The following SULF2 variants were observed in gnomAD, a reference collection of about 807,000 sequenced individuals.
SULF2 encodes extracellular sulfatase Sulf-2.
Under a neutral mutation model 107.7 loss-of-function variants are expected in SULF2, and 52 were observed. The observed-to-expected ratio is 0.48, with a 90% confidence interval of 0.39 to 0.61. SULF2 has a LOEUF of 0.61. Among genes scored for constraint, SULF2 ranks in the 20% least tolerant of loss-of-function variants. The probability of loss-of-function intolerance (pLI) is 0.00; values close to 1 mark genes in which losing one functional copy is unlikely to be tolerated. For missense variants in SULF2, 993 were observed against 1,177.3 expected, an observed-to-expected ratio of 0.84 and a Z score of 2.29; for synonymous variants, 460 against 464.3, an observed-to-expected ratio of 0.99 and a Z score of 0.12.
chr20:47,730,233 C>T (rs1176011014), intron 3 of SULF2, among the ~76,000 whole-genome samples: 1 of 152,208 alleles, frequency 6.6e-6, no homozygotes, highest in African/African-American at 2.4e-5. Context: ...AGCATGTACC[C>T]CCTGCTCCCC....
intron 15 of SULF2, 122 bp from the exon 16 acceptor site, chr20:47,663,744 A>G (rs1230519807): frequency 1.7e-6 from 2 of 1,174,014 alleles, no homozygotes; most frequent in Non-Finnish European, 2.4e-6. Flanking sequence ...CCATGGGCAT[A>G]GCAATTCAGG....
At chr20:47,751,829 G>A (rs1422447967) in intron 2 of SULF2, among the ~76,000 whole-genome samples, 1 of 152,210 alleles carries the variant, frequency 6.6e-6, no homozygotes, top group Non-Finnish European at 1.5e-5. Context: ...CCAGTGGAAG[G>A]CTGGTTCCCA....
chr20:47,706,092 C>T (rs1020501084), intron 3 of SULF2, among the ~76,000 whole-genome samples: 2 of 152,142 alleles, frequency 1.3e-5, no homozygotes, highest in South Asian at 2.1e-4. Flanking sequence ...AGCCACCATA[C>T]GTCGCTGAGA....
intron 7 of SULF2, among the ~76,000 whole-genome samples, chr20:47,682,054 G>A (rs992487600): frequency 1.4e-4 from 21 of 152,008 alleles, no homozygotes; most frequent in Admixed American, 9.8e-4. Context: ...GTGGACTGTC[G>A]TTATTACAGC....
chr20:47,707,626 G>T (rs1297558371), intron 3 of SULF2, among the ~76,000 whole-genome samples: 1 of 152,052 alleles, frequency 6.6e-6, no homozygotes, highest in Non-Finnish European at 1.5e-5. Context: ...TGAGATATGC[G>T]GACCCCCCCA....
rs767349399 is a variant in SULF2 at position 47,684,415 on chromosome 20, T to G, written c.888+16A>C. On this transcript the variant is annotated intron_variant, in intron 6 of 20. Coordinates refer to ENST00000688720, the MANE Select transcript of SULF2 (RefSeq NM_001387048.1). ...TCGGAGCCACGCCCACCAAGAGGCATGCAGCGGGCGCCTACCGTCTCCATG... is the reference window on the plus strand; with the variant it reads ...TCGGAGCCACGCCCACCAAGAGGCAGGCAGCGGGCGCCTACCGTCTCCATG... The G allele has an allele frequency of 6.3e-7, 1 of 1,597,588 alleles. No homozygotes were observed. The highest frequency in any genetic ancestry group is 8.5e-7 in the Non-Finnish European group (1 of 1,171,376).
intron 3 of SULF2, among the ~76,000 whole-genome samples, chr20:47,716,530 T>C (rs535565338): frequency 1.3e-5 from 2 of 152,278 alleles, no homozygotes; most frequent in Admixed American, 6.5e-5. Flanking sequence ...TAAATAACTA[T>C]ATTTTTCCCA....
At chr20:47,747,930 G>A (rs1036140064) in intron 2 of SULF2, among the ~76,000 whole-genome samples, 15 of 152,068 alleles carry the variant, frequency 9.9e-5, no homozygotes, top group Non-Finnish European at 1.5e-5. Context: ...GCTCTGCAGT[G>A]CCCCGTCCTG....
rs574989882 is a variant in SULF2, at chr20:47,785,031, G to C, written c.-101+312C>G. Among the ~76,000 whole-genome samples the C allele has an allele frequency of 3.9e-5, 6 of 152,048 alleles. No individual in the cohort carries two copies. In the East Asian group the frequency reaches 7.8e-4, roughly 20 times the overall value. On this transcript the variant is annotated intron_variant, in intron 1 of 20. Transcript: ENST00000688720. ...CCGGCCCAGGCGCGCTCCCCTACCC[G>C]GGGCCGCCTGTGCTCGGTGTGCCGT... is the stretch of plus-strand genomic sequence containing the variant.
intron 1 of SULF2, among the ~76,000 whole-genome samples, chr20:47,772,853 G>A (rs1474578290): frequency 1.3e-5 from 2 of 152,160 alleles, no homozygotes; most frequent in African/African-American, 4.8e-5. Context: ...CACAAGACTT[G>A]GCAATGCAAG....
intron 1 of SULF2, among the ~76,000 whole-genome samples, chr20:47,778,715 G>A (rs2090768295): frequency 6.6e-6 from 1 of 152,200 alleles, no homozygotes; most frequent in African/African-American, 2.4e-5. Context: ...GAGAAACCAG[G>A]CGATGAAGAA....
At chr20:47,663,645 A>T in intron 15 of SULF2, 23 bp from the exon 16 acceptor site, 1 of 1,551,332 alleles carries the variant, frequency 6.4e-7, no homozygotes, top group Admixed American at 1.9e-5. Context: ...AGGGCCACAC[A>T]CACCTTGGGC....
chr20:47,676,605 T>C lies in SULF2; in HGVS notation c.1269A>G (p.Arg423=), dbSNP rs2087650268. The C allele has an allele frequency of 1.9e-6, 3 of 1,555,024 alleles. No homozygotes were observed. In the African/African-American group the frequency reaches 4.1e-5, roughly 21 times the overall value. ...CCTGGGCGTCCACCTTGTCATTGTC[T>C]CTCTTGTGTAGCAGCTTGCTATGGG... ...LVERGKLLHK[R]DNDKVDAQEE... The change falls in exon 10 of 21, where the codon AGA becomes AGG. Residue 423 remains arginine (R), a synonymous_variant. Coordinates refer to ENST00000688720, the MANE Select transcript of SULF2 (RefSeq NM_001387048.1).
At chr20:47,697,627 C>T (rs1042827497) in intron 4 of SULF2, among the ~76,000 whole-genome samples, 1 of 152,218 alleles carries the variant, frequency 6.6e-6, no homozygotes, top group Non-Finnish European at 1.5e-5. Flanking sequence ...CCTCTGCCCA[C>T]GTCCCTGTTA....
chr20:47,770,505 T>C (rs1447344560), intron 1 of SULF2, among the ~76,000 whole-genome samples: 1 of 152,142 alleles, frequency 6.6e-6, no homozygotes, highest in Non-Finnish European at 1.5e-5. Flanking sequence ...TATTGTTCAG[T>C]GAATGAATGA....
chr20:47,729,969 T>C (rs1032545322), intron 3 of SULF2, among the ~76,000 whole-genome samples: 1 of 152,236 alleles, frequency 6.6e-6, no homozygotes, highest in Non-Finnish European at 1.5e-5. Context: ...CGGGCGCCTT[T>C]CCATCCTCCT....
intron 1 of SULF2, among the ~76,000 whole-genome samples, chr20:47,774,572 T>C (rs2090691999): frequency 6.6e-6 from 1 of 152,192 alleles, no homozygotes. Context: ...TATGGGGCCC[T>C]GGAGCTGGAG....
chr20:47,749,213 C>T (rs2090110834), intron 2 of SULF2, among the ~76,000 whole-genome samples: 1 of 152,134 alleles, frequency 6.6e-6, no homozygotes, highest in African/African-American at 2.4e-5. Context: ...CCAAGCCAGC[C>T]CTAGACTGCC....
At chr20:47,705,820 A>G (rs1299493976) in intron 3 of SULF2, among the ~76,000 whole-genome samples, 2 of 126,206 alleles carry the variant, frequency 1.6e-5, no homozygotes, top group South Asian at 5.1e-4. Context: ...TTTTTTTTTG[A>G]GAGAGGGTCT....
Sources: gnomAD v4.1 joint callset for allele counts (sites outside exome capture counted in the v4.1 genomes callset) on GRCh38, gnomAD v4.1.1 for gene constraint, MANE v1.5 for transcripts, NCBI Gene and HGNC (gene_info 2026-07-23, HGNC 2026-07-21) for gene names.